RAP1GAP2: variants seen among roughly 807,000 people sequenced by gnomAD.
RAP1GAP2 encodes the protein rap1 GTPase-activating protein 2.
Under a neutral mutation model 95.0 loss-of-function variants are expected in RAP1GAP2, and 27 were observed. The observed-to-expected ratio is 0.28, with a 90% CI of 0.21 to 0.39. The LOEUF (loss-of-function observed/expected upper bound fraction) is 0.39, where lower values mean the gene tolerates loss of function less well. Among genes scored for constraint, RAP1GAP2 ranks in the 10% least tolerant of loss-of-function variants. The pLI, the probability that RAP1GAP2 is intolerant of heterozygous loss-of-function variation, is 1.00. For missense variants in RAP1GAP2, 771 were observed against 970.0 expected (o/e 0.79, Z 2.72); for synonymous variants, 373 against 380.9 (o/e 0.98, Z 0.24).
At chr17:2,784,645 C>T (rs925755558) in intron 1 of RAP1GAP2, among the ~76,000 whole-genome samples, 1 of 152,192 alleles carries the variant, frequency 6.6e-6, no homozygotes, top group African/African-American at 2.4e-5. Flanking sequence ...TTGGGTCTGT[C>T]CCCAGATCCC....
chr17:2,976,968 C>T (rs1353795351), intron 8 of RAP1GAP2, among the ~76,000 whole-genome samples: 4 of 151,816 alleles, frequency 2.6e-5, no homozygotes, highest in African/African-American at 7.3e-5. Flanking sequence ...AATCCTGTCT[C>T]TACTAAAAAT....
intron 2 of RAP1GAP2, among the ~76,000 whole-genome samples, chr17:2,876,646 G>C (rs2073109215): frequency 2.0e-5 from 3 of 152,130 alleles, no homozygotes; most frequent in Non-Finnish European, 4.4e-5. Context: ...AGATGAGATA[G>C]CAAATGTTTC....
intron 2 of RAP1GAP2, among the ~76,000 whole-genome samples, chr17:2,828,248 G>T (rs2070669767): frequency 6.6e-6 from 1 of 152,104 alleles, no homozygotes; most frequent in South Asian, 2.1e-4. Context: ...GGCTGAGTCA[G>T]GAGAATCGCT....
upstream of RAP1GAP2, among the ~76,000 whole-genome samples, chr17:2,774,909 C>A (rs1050647371): frequency 3.1e-4 from 47 of 150,488 alleles, no homozygotes; most frequent in African/African-American, 1.2e-3. Flanking sequence ...CAACCTCCGC[C>A]TCCCAGATTC....
chr17:2,893,660 G>T (rs552070870), intron 2 of RAP1GAP2, among the ~76,000 whole-genome samples: 1 of 152,214 alleles, frequency 6.6e-6, no homozygotes, highest in African/African-American at 2.4e-5. Context: ...TGAAGCTGCC[G>T]GAGGCCGTGA....
intron 3 of RAP1GAP2, among the ~76,000 whole-genome samples, chr17:2,938,009 G>A (rs1279254890): frequency 6.6e-6 from 1 of 152,144 alleles, no homozygotes; most frequent in South Asian, 2.1e-4. Flanking sequence ...GAGAGGAGAC[G>A]GGCTTTGTGC....
chr17:2,798,474 TG>T (rs1167256440), intron 1 of RAP1GAP2, among the ~76,000 whole-genome samples: 1 of 152,078 alleles, frequency 6.6e-6, no homozygotes, highest in African/African-American at 2.4e-5. Flanking sequence ...GGGGCGAGAC[TG>T]GGGTTTGGGC....
chr17:2,883,547 CCTCT>C (rs147895965), intron 2 of RAP1GAP2, among the ~76,000 whole-genome samples: 1 of 152,150 alleles, frequency 6.6e-6, no homozygotes, highest in Non-Finnish European at 1.5e-5. Context: ...TTCTGTCTTT[CCTCT>C]CTCTCTCCCT....
intron 2 of RAP1GAP2, among the ~76,000 whole-genome samples, chr17:2,873,366 T>C (rs1020759629): frequency 2.4e-4 from 36 of 147,038 alleles, no homozygotes; most frequent in African/African-American, 8.3e-4. Flanking sequence ...TTCCAGCTAC[T>C]TGGGAGGCTG....
rs1368537064 is a variant in RAP1GAP2, at chr17:2,902,269, T to C, written c.81-3015T>C. Reference sequence around the variant, plus strand: ...TCTTGCTCTGTCACCCGAGCTGGAGTGCAGTGGCACGATCTCAGCTCACTG... The same window carrying C: ...TCTTGCTCTGTCACCCGAGCTGGAGCGCAGTGGCACGATCTCAGCTCACTG... On this transcript the variant is annotated intron_variant, in intron 2 of 24. Transcript: ENST00000254695. The surrounding 1 kb of genome is among the most constrained non-coding windows in gnomAD (Gnocchi z 4.1). 2.0e-5 allele frequency among the ~76,000 whole-genome samples: 3 copies of C among 151,486 alleles called. No homozygotes were observed. The highest frequency in any genetic ancestry group is 4.4e-5 in the Non-Finnish European group (3 of 67,890).
chr17:2,935,625 C>T (rs1156229058), intron 3 of RAP1GAP2, among the ~76,000 whole-genome samples: 1 of 152,096 alleles, frequency 6.6e-6, no homozygotes, highest in African/African-American at 2.4e-5. Flanking sequence ...TCTATAAATC[C>T]AGTACACGTA....
intron 3 of RAP1GAP2, among the ~76,000 whole-genome samples, chr17:2,925,056 G>A (rs182844752): frequency 8.5e-4 from 130 of 152,354 alleles, no homozygotes; most frequent in African/African-American, 3.1e-3. Flanking sequence ...GCCCCTTGGC[G>A]GTGGTCAGTT....
intron 1 of RAP1GAP2, 81 bp from the exon 2 acceptor site, chr17:2,800,434 C>T: frequency 9.5e-7 from 1 of 1,048,644 alleles, no homozygotes; most frequent in Non-Finnish European, 1.3e-6. Context: ...TTTGGGCTGT[C>T]CCGGGGACTC....
chr17:2,936,197 G>A (rs903386926), intron 3 of RAP1GAP2, among the ~76,000 whole-genome samples: 17 of 150,150 alleles, frequency 1.1e-4, no homozygotes, highest in African/African-American at 3.9e-4. Context: ...ATGTTGGTGT[G>A]CTGCACCCAT....
At chr17:2,792,305 C>T (rs745533656), upstream of RAP1GAP2, among the ~76,000 whole-genome samples, 1 of 152,234 alleles carries the variant, frequency 6.6e-6, no homozygotes, top group Non-Finnish European at 1.5e-5. Context: ...TCGTCCTTGA[C>T]AGTAATGATA....
chr17:3,027,792 G>A lies in RAP1GAP2; in HGVS notation c.2107+722G>A, dbSNP rs1277248326. ...GAGCAGAGGGGAGGGATGGAGGGGA[G>A]GGGAGAGGAGGGGAGGGGAGCTGCG... On this transcript the variant is annotated intron_variant, in intron 22 of 24. Transcript: ENST00000254695. This position sits in a 1 kb window ranked among gnomAD's most constrained non-coding sequence, Gnocchi z 5.2. Among the ~76,000 whole-genome samples, 1 of 150,700 alleles carries A rather than the reference G, an allele frequency of 6.6e-6. No homozygotes were observed. Among genetic ancestry groups the A allele is most frequent in the Admixed American group, 6.6e-5 (1 of 15,114 alleles).
chr17:2,942,460 C>T (rs2043532642), intron 3 of RAP1GAP2, among the ~76,000 whole-genome samples: 1 of 152,038 alleles, frequency 6.6e-6, no homozygotes, highest in Non-Finnish European at 1.5e-5. Context: ...TTTGTGTCAT[C>T]CATGTACAAA....
intron 8 of RAP1GAP2, among the ~76,000 whole-genome samples, chr17:2,969,923 T>TA (rs2044784370): frequency 6.6e-6 from 1 of 152,174 alleles, no homozygotes; most frequent in Non-Finnish European, 1.5e-5. Flanking sequence ...GAGAATGTCT[T>TA]AATTTATTTT....
chr17:2,987,598 T>C (rs1160361845), intron 11 of RAP1GAP2, among the ~76,000 whole-genome samples: 4 of 152,100 alleles, frequency 2.6e-5, no homozygotes, highest in Non-Finnish European at 5.9e-5. Flanking sequence ...CGACCTCAGG[T>C]GATCCGCCTG....
Sources: gnomAD v4.1 joint callset for allele counts (sites outside exome capture counted in the v4.1 genomes callset) on GRCh38, gnomAD v4.1.1 for gene constraint, Gnocchi (gnomAD v3.1) non-coding constraint, MANE v1.5 for transcripts, NCBI Gene and HGNC (gene_info 2026-07-23, HGNC 2026-07-21) for gene names.